Variants in HORMAD2 observed in about 807,000 individuals in gnomAD.
HORMAD2 encodes the protein HORMA domain-containing protein 2.
In HORMAD2, 45 loss-of-function variants were observed where a neutral mutation model predicts 38.8. The observed-to-expected ratio is 1.16, with a 90% CI of 0.91 to 1.49. The LOEUF (loss-of-function observed/expected upper bound fraction) is 1.49. HORMAD2 is among the 40% of genes most tolerant of loss of function. The pLI, the probability that HORMAD2 is intolerant of heterozygous loss-of-function variation, is 0.00. For synonymous variants in HORMAD2, 126 were observed against 122.8 expected, an observed-to-expected ratio of 1.03 and a Z score of -0.17; for missense variants, 338 against 367.0, an observed-to-expected ratio of 0.92 and a Z score of 0.65.
intron 10 of HORMAD2, among the ~76,000 whole-genome samples, chr22:30,130,642 G>GTA: frequency 6.9e-6 from 1 of 145,538 alleles, no homozygotes; most frequent in African/African-American, 2.5e-5. Flanking sequence ...CCAGGCTGGA[G>GTA]GGCAGTGACG....
chr22:30,189,593 A>T, the HORMAD2 span, among the ~76,000 whole-genome samples: 1 of 151,950 alleles, frequency 6.6e-6, no homozygotes. Flanking sequence ...GGAGGACCTG[A>T]TCTGAGTGCA....
the HORMAD2 span, among the ~76,000 whole-genome samples, chr22:30,196,080 T>C: frequency 0.92 from 140,110 of 152,272 alleles, 64,546 homozygotes; most frequent in East Asian, 1. Context: ...CGCATGGCAT[T>C]GGCTTACTAA....
chr22:30,170,223 C>A (rs1237559160), intron 10 of HORMAD2, among the ~76,000 whole-genome samples: 1 of 152,110 alleles, frequency 6.6e-6, no homozygotes. Context: ...TTTGCCAGAT[C>A]TGACTTGAAA....
intron 10 of HORMAD2, among the ~76,000 whole-genome samples, chr22:30,149,216 T>C (rs1924601590): frequency 6.6e-6 from 1 of 152,236 alleles, no homozygotes; most frequent in South Asian, 2.1e-4. Flanking sequence ...TTACAGCTAA[T>C]AATTGTTTTT....
upstream of HORMAD2, among the ~76,000 whole-genome samples, chr22:30,078,883 T>C (rs892456968): frequency 4.6e-5 from 7 of 151,932 alleles, no homozygotes; most frequent in Non-Finnish European, 8.8e-5. Flanking sequence ...ATCTGTGTGG[T>C]TGGAGCTTAA....
intron 1 of HORMAD2, among the ~76,000 whole-genome samples, chr22:30,081,636 C>T (rs577596778): frequency 5.3e-4 from 80 of 151,900 alleles, no homozygotes; most frequent in Admixed American, 1.4e-3. Flanking sequence ...AGTGCAGTGA[C>T]GCAATCTCAG....
chr22:30,126,619 T>G lies in HORMAD2; in HGVS notation c.819+4405T>G, dbSNP rs1784247566. Among the ~76,000 whole-genome samples, 3 of 152,236 alleles carry G rather than the reference T, an allele frequency of 2.0e-5. No homozygotes were observed. In the South Asian group the frequency reaches 6.2e-4, roughly 31 times the overall value. ...ATTTGGATAATTTATAATTTTTGTC[T>G]ATGATGGATAGAAATGCTTTGAATA... On this transcript the variant is annotated intron_variant, in intron 10 of 10. Transcript: ENST00000336726.
intron 10 of HORMAD2, among the ~76,000 whole-genome samples, chr22:30,143,200 A>G (rs1310889361): frequency 6.6e-6 from 1 of 152,192 alleles, no homozygotes; most frequent in African/African-American, 2.4e-5. Context: ...TATTTAAGAG[A>G]AGAAAGGAGA....
intron 10 of HORMAD2, among the ~76,000 whole-genome samples, chr22:30,165,816 T>C (rs1352288840): frequency 1.3e-5 from 2 of 152,046 alleles, no homozygotes; most frequent in Admixed American, 6.6e-5. Context: ...TTTTAGATTT[T>C]TCTCTTCTAT....
chr22:30,117,263 C>T (rs1922110477), intron 7 of HORMAD2, among the ~76,000 whole-genome samples: 1 of 152,052 alleles, frequency 6.6e-6, no homozygotes, highest in South Asian at 2.1e-4. Context: ...CTCATTTTCA[C>T]ATTGTCAAGG....
At chr22:30,112,550 G>T in intron 7 of HORMAD2, 28 bp downstream of exon 7, 1 of 1,089,322 alleles carries the variant, frequency 9.2e-7, no homozygotes, top group Non-Finnish European at 1.3e-6. Context: ...CGTATAGGTG[G>T]GTAGTATATG....
chr22:30,181,755 C>T (rs948189486), downstream of HORMAD2, among the ~76,000 whole-genome samples: 3 of 152,172 alleles, frequency 2.0e-5, no homozygotes, highest in African/African-American at 7.2e-5. Flanking sequence ...CGGATTTGGC[C>T]TCAACCTATT....
chr22:30,079,941 G>A (rs563982373), upstream of HORMAD2, among the ~76,000 whole-genome samples: 4 of 151,674 alleles, frequency 2.6e-5, no homozygotes, highest in Admixed American at 2.6e-4. Context: ...CAGCCTCCCA[G>A]AGTGCTGGGA....
intron 10 of HORMAD2, among the ~76,000 whole-genome samples, chr22:30,165,877 T>C (rs1361303227): frequency 6.6e-6 from 1 of 151,956 alleles, no homozygotes; most frequent in Non-Finnish European, 1.5e-5. Context: ...ATTACCTTTA[T>C]TTTATAGTAG....
intron 10 of HORMAD2, among the ~76,000 whole-genome samples, chr22:30,144,938 G>T (rs1601570273): frequency 6.6e-6 from 1 of 152,252 alleles, no homozygotes. Context: ...GGGAGCTTGG[G>T]AGAGAGGGAG....
At chr22:30,168,945 GA>G (rs1925947129) in intron 10 of HORMAD2, among the ~76,000 whole-genome samples, 1 of 152,086 alleles carries the variant, frequency 6.6e-6, no homozygotes, top group Non-Finnish European at 1.5e-5. Context: ...TTTAAAGAAT[GA>G]CATTGTCTGA....
chr22:30,103,648 G>GTT (rs1569087601), intron 4 of HORMAD2, 148 bp downstream of exon 4: 18 of 73,682 alleles, frequency 2.4e-4, no homozygotes, highest in East Asian at 4.3e-4. Context: ...TTCTGTTTTT[G>GTT]ATTTTTTTTT....
intron 10 of HORMAD2, among the ~76,000 whole-genome samples, chr22:30,136,278 T>C (rs897131888): frequency 2.0e-5 from 3 of 152,316 alleles, no homozygotes; most frequent in South Asian, 4.1e-4. Flanking sequence ...TTGTACAACA[T>C]TTTTTCTGTT....
chr22:30,094,143 T>A, intron 2 of HORMAD2, 140 bp downstream of exon 2: 3 of 589,444 alleles, frequency 5.1e-6, no homozygotes, highest in Non-Finnish European at 8.8e-6. Context: ...AGAGTATGTG[T>A]ACATTTTAAC....
Sources: allele counts gnomAD v4.1 joint callset (sites outside exome capture counted in the v4.1 genomes callset), GRCh38; gene constraint gnomAD v4.1.1; transcripts MANE v1.5; gene names NCBI Gene and HGNC (gene_info 2026-07-23, HGNC 2026-07-21).